SLC7A1: variants seen among roughly 807,000 people sequenced by gnomAD.
SLC7A1 encodes high affinity cationic amino acid transporter 1.
SLC7A1 carries 10 observed loss-of-function variants against 53.9 expected under a neutral mutation model. The ratio of observed to expected loss-of-function variants is 0.19; its 90% CI spans 0.11 to 0.31. The LOEUF (loss-of-function observed/expected upper bound fraction) is 0.31. Ranked by LOEUF, SLC7A1 falls within the 10% of genes least tolerant of loss-of-function variation. The probability of loss-of-function intolerance (pLI) is 1.00; values close to 1 mark genes in which losing one functional copy is unlikely to be tolerated. For missense variants in SLC7A1, 525 were observed against 827.2 expected (o/e 0.63, Z 4.48); for synonymous variants, 342 against 338.7 (o/e 1.01, Z -0.11).
chr13:29,538,258 T>C (rs1869512509), intron 2 of SLC7A1, among the ~76,000 whole-genome samples: 1 of 151,792 alleles, frequency 6.6e-6, no homozygotes, highest in African/African-American at 2.4e-5. Context: ...AGGAAGGAAA[T>C]GATATCATGG....
chr13:29,531,174 T>G (rs1869142631), intron 4 of SLC7A1, among the ~76,000 whole-genome samples: 1 of 152,198 alleles, frequency 6.6e-6, no homozygotes, highest in African/African-American at 2.4e-5. Flanking sequence ...AGGAAATTAT[T>G]CTGGTTGACT....
intron 1 of SLC7A1, among the ~76,000 whole-genome samples, chr13:29,584,155 C>A (rs1436395900): frequency 5.9e-5 from 9 of 151,486 alleles, no homozygotes; most frequent in Non-Finnish European, 1.3e-4. Context: ...ACTCTGTTGC[C>A]CAGGCTGGAG....
intron 2 of SLC7A1, among the ~76,000 whole-genome samples, chr13:29,540,259 A>G (rs1488887214): frequency 6.6e-6 from 1 of 152,156 alleles, no homozygotes; most frequent in Non-Finnish European, 1.5e-5. Context: ...AATTTATACA[A>G]CAGTTGATGC....
intron 1 of SLC7A1, among the ~76,000 whole-genome samples, chr13:29,554,343 T>G (rs34831702): frequency 0.09 from 13,724 of 152,102 alleles, 673 homozygotes; most frequent in Middle Eastern, 0.15. Context: ...ATCGAGAATT[T>G]AGTGATGGAG....
At chr13:29,583,152 G>T (rs1393037690) in intron 1 of SLC7A1, among the ~76,000 whole-genome samples, 1 of 152,190 alleles carries the variant, frequency 6.6e-6, no homozygotes, top group African/African-American at 2.4e-5. Context: ...GTGGCCTTCA[G>T]GCCCCACCCC....
intron 1 of SLC7A1, among the ~76,000 whole-genome samples, chr13:29,584,191 G>A (rs986801627): frequency 6.6e-5 from 10 of 150,608 alleles, no homozygotes; most frequent in African/African-American, 2.2e-4. Context: ...TCGTCTCACT[G>A]CAACCTCCAC....
intron 2 of SLC7A1, among the ~76,000 whole-genome samples, chr13:29,543,823 G>A (rs890978957): frequency 2.0e-5 from 3 of 152,056 alleles, no homozygotes; most frequent in Non-Finnish European, 4.4e-5. Flanking sequence ...AAGGATCAGA[G>A]GTTCTGCAGG....
At chr13:29,576,292 TTAAA>T (rs1871406991) in intron 1 of SLC7A1, among the ~76,000 whole-genome samples, 1 of 107,198 alleles carries the variant, frequency 9.3e-6, no homozygotes, top group Non-Finnish European at 1.7e-5. Context: ...ATCCTGTTTT[TTAAA>T]AAAAAAAAAA....
intron 1 of SLC7A1, among the ~76,000 whole-genome samples, chr13:29,578,041 G>T (rs74042345): frequency 0.022 from 3,378 of 152,200 alleles, 106 homozygotes; most frequent in African/African-American, 0.077. Flanking sequence ...TCTAGAGCTG[G>T]TCACTAAGTC....
At chr13:29,529,324 T>C (rs1869044168) in intron 5 of SLC7A1, among the ~76,000 whole-genome samples, 5 of 152,354 alleles carry the variant, frequency 3.3e-5, no homozygotes, top group Middle Eastern at 3.4e-3. Context: ...GCGACATGGC[T>C]GGCACCTGGC....
chr13:29,576,077 C>T (rs1199013297), intron 1 of SLC7A1, among the ~76,000 whole-genome samples: 1 of 151,682 alleles, frequency 6.6e-6, no homozygotes, highest in Admixed American at 6.6e-5. Flanking sequence ...CCCTTGAGGC[C>T]AGGAGTTTGA....
At chr13:29,535,716 G>T in intron 3 of SLC7A1, 103 bp downstream of exon 3, 1 of 1,164,084 alleles carries the variant, frequency 8.6e-7, no homozygotes, top group Non-Finnish European at 1.2e-6. Flanking sequence ...TGCCTCTCGT[G>T]TTAACAAGAA....
intron 5 of SLC7A1, among the ~76,000 whole-genome samples, chr13:29,528,031 G>A (rs556476540): frequency 2.6e-5 from 4 of 152,354 alleles, no homozygotes; most frequent in African/African-American, 7.2e-5. Flanking sequence ...TCCAGGAGAC[G>A]AAGTGGGGAG....
At chr13:29,519,666 C>A (rs928609531) in intron 8 of SLC7A1, 117 bp from the exon 9 acceptor site, 1 of 595,842 alleles carries the variant, frequency 1.7e-6, no homozygotes, top group South Asian at 2.0e-5. Flanking sequence ...ACTCCCACCC[C>A]CTCCCTGGCC....
At chr13:29,531,046 G>A (rs958690393) in intron 4 of SLC7A1, among the ~76,000 whole-genome samples, 2 of 152,108 alleles carry the variant, frequency 1.3e-5, no homozygotes, top group Non-Finnish European at 1.5e-5. Context: ...GCCTGGACCC[G>A]CACACCAAGC....
intron 2 of SLC7A1, among the ~76,000 whole-genome samples, chr13:29,540,085 T>C (rs574328455): frequency 1.2e-4 from 18 of 152,346 alleles, no homozygotes; most frequent in African/African-American, 4.3e-4. Context: ...AAGCTGGTTG[T>C]TCAACCAACA....
intron 1 of SLC7A1, among the ~76,000 whole-genome samples, chr13:29,571,321 AC>A (rs1224164817): frequency 6.6e-6 from 1 of 152,246 alleles, no homozygotes; most frequent in East Asian, 1.9e-4. Flanking sequence ...TAAAACTATT[AC>A]AAACATAAAC....
chr13:29,574,241 T>C (rs923590862), intron 1 of SLC7A1, among the ~76,000 whole-genome samples: 47 of 152,360 alleles, frequency 3.1e-4, no homozygotes, highest in Middle Eastern at 3.4e-3. Context: ...CACTTAATCA[T>C]TAAAAAACAG....
chr13:29,583,418 GACACTTTGCTGGAAA>G (rs1230585028), intron 1 of SLC7A1, among the ~76,000 whole-genome samples: 1 of 152,196 alleles, frequency 6.6e-6, no homozygotes, highest in Admixed American at 6.5e-5. Flanking sequence ...CACACAGCAG[GACACTTTGCTGGAAA>G]GAGACTCTTG....
Sources: allele counts gnomAD v4.1 joint callset (sites outside exome capture counted in the v4.1 genomes callset), GRCh38; gene constraint gnomAD v4.1.1; transcripts MANE v1.5; gene names NCBI Gene and HGNC (gene_info 2026-07-23, HGNC 2026-07-21).